The following ENKUR variants were observed in gnomAD, a reference collection of about 807,000 sequenced individuals.
ENKUR encodes the protein enkurin.
In ENKUR, 19 loss-of-function variants were observed where a neutral mutation model predicts 27.6. The observed-to-expected ratio is 0.69, with a 90% CI of 0.48 to 1.01. The LOEUF (loss-of-function observed/expected upper bound fraction) is 1.01. Ranked by LOEUF, ENKUR falls within the 50% of genes least tolerant of loss-of-function variation. ENKUR has a pLI of 0.00. For synonymous variants in ENKUR, 117 were observed against 96.9 expected, an observed-to-expected ratio of 1.21 and a Z score of -1.22; for missense variants, 312 against 310.5, an observed-to-expected ratio of 1.00 and a Z score of -0.04.
At chr10:25,010,488 C>T (rs1318167294) in intron 1 of ENKUR, among the ~76,000 whole-genome samples, 1 of 151,710 alleles carries the variant, frequency 6.6e-6, no homozygotes, top group African/African-American at 2.4e-5. Flanking sequence ...TACATGTGCA[C>T]AATGTGCAGG....
Position 24,995,800 on chromosome 10 carries a change from C to T in ENKUR, c.293G>A (p.Gly98Glu), listed in dbSNP as rs866866953. The change falls in exon 3 of 6, where the codon GGA becomes GAA. Residue 98 changes from glycine (G) to glutamate (E), a missense_variant. Coordinates refer to ENST00000331161, the MANE Select transcript of ENKUR (RefSeq NM_145010.4). ...TATAAAATTTTTTCCACTCTGTATTCCCATGACAGGATGATCAGTCTTCAA... is the reference window on the plus strand; with the variant it reads ...TATAAAATTTTTTCCACTCTGTATTTCCATGACAGGATGATCAGTCTTCAA... Reference protein sequence around the residue: ...VPLKTDHPVMGIQSGKNFINT... With the variant: ...VPLKTDHPVMEIQSGKNFINT... 1 of 1,614,018 alleles carries T rather than the reference C, an allele frequency of 6.2e-7. No homozygotes were observed. Among genetic ancestry groups the T allele is most frequent in the Non-Finnish European group, 8.5e-7 (1 of 1,180,000 alleles).
chr10:25,055,606 GT>G (rs1427266507), intron 2 of ENKUR, among the ~76,000 whole-genome samples: 1 of 149,464 alleles, frequency 6.7e-6, no homozygotes, highest in East Asian at 1.9e-4. Context: ...TTTGGTCTAC[GT>G]TGGAATGATA....
At chr10:25,060,530 A>G (rs1851314975) in intron 2 of ENKUR, among the ~76,000 whole-genome samples, 1 of 152,202 alleles carries the variant, frequency 6.6e-6, no homozygotes, top group Non-Finnish European at 1.5e-5. Flanking sequence ...TCTCCACATA[A>G]GCATAAATAC....
At chr10:25,015,766 A>G (rs762383877) in intron 1 of ENKUR, 94 bp downstream of exon 1, 143 of 1,155,396 alleles carry the variant, frequency 1.2e-4, no homozygotes, top group Non-Finnish European at 1.6e-4. Flanking sequence ...AATACATTTT[A>G]TTTATTATTA....
At chr10:25,021,466 A>G (rs1850717146) in intron 2 of ENKUR, among the ~76,000 whole-genome samples, 1 of 152,200 alleles carries the variant, frequency 6.6e-6, no homozygotes, top group South Asian at 2.1e-4. Context: ...TATCCTTCTG[A>G]AAAGTTTTAT....
chr10:24,991,411 A>G (rs1849925387), intron 3 of ENKUR, among the ~76,000 whole-genome samples: 2 of 152,052 alleles, frequency 1.3e-5, no homozygotes, highest in African/African-American at 2.4e-5. Context: ...AAACCCCCCG[A>G]GACCCTAGCA....
At chr10:25,048,368 G>A (rs943047712) in intron 2 of ENKUR, among the ~76,000 whole-genome samples, 5 of 152,062 alleles carry the variant, frequency 3.3e-5, no homozygotes, top group East Asian at 3.9e-4. Context: ...TCCGTGAAGC[G>A]TGGAGGCGAT....
chr10:25,014,702 G>C (rs186950785), intron 1 of ENKUR, among the ~76,000 whole-genome samples: 8 of 152,258 alleles, frequency 5.3e-5, no homozygotes, highest in Admixed American at 5.2e-4. Context: ...TGCAACAATA[G>C]AAAATTTGAA....
rs1850818527 is a variant in ENKUR, at chr10:25,024,997, A to G, written c.38-29128T>C. 2 of 1,614,224 alleles carry G rather than the reference A, an allele frequency of 1.2e-6. No homozygotes were observed. The highest frequency in any genetic ancestry group is 1.7e-6 in the Non-Finnish European group (2 of 1,180,040). On this transcript the variant is annotated intron_variant, in intron 2 of 5. Transcript: ENST00000615958. ...TGGACAGCTAATGACAGAATTATTT[A>G]ATCGATTAGAAAGTCAGCATCATTT...
intron 2 of ENKUR, among the ~76,000 whole-genome samples, chr10:25,054,938 G>A (rs1851236335): frequency 6.6e-6 from 1 of 152,114 alleles, no homozygotes; most frequent in Non-Finnish European, 1.5e-5. Flanking sequence ...GTTTCCCCAA[G>A]TGTTGAGATT....
chr10:25,060,704 C>T (rs557304042), intron 2 of ENKUR, among the ~76,000 whole-genome samples: 1 of 152,028 alleles, frequency 6.6e-6, no homozygotes, highest in Non-Finnish European at 1.5e-5. Context: ...TGATGTAAAA[C>T]CCACGTGTTT....
At chr10:25,024,725 C>T (rs755877671) in intron 2 of ENKUR, 1 of 1,614,102 alleles carries the variant, frequency 6.2e-7, no homozygotes, top group African/African-American at 1.3e-5. Context: ...TTTGGAAGCC[C>T]AGTCGATGTC....
intron 2 of ENKUR, chr10:25,025,553 A>G: frequency 2.6e-6 from 3 of 1,140,828 alleles, no homozygotes; most frequent in Non-Finnish European, 3.7e-6. Context: ...TTTTATGTAA[A>G]TATCTCTATA....
At chr10:25,033,401 C>T in intron 2 of ENKUR, among the ~76,000 whole-genome samples, 1 of 59,970 alleles carries the variant, frequency 1.7e-5, no homozygotes, top group Non-Finnish European at 2.9e-5. Flanking sequence ...AAGACCTCGT[C>T]AAAAAAAAAA....
At position 25,015,747 on chromosome 10, in the gene ENKUR, C is replaced by T. The variant is rs1390694700; in HGVS notation, c.77+113G>A. 7.0e-6 allele frequency: 7 copies of T among 1,000,738 alleles called. No individual in the cohort carries two copies. The South Asian group carries it at 9.0e-5, about 13-fold the overall frequency. The allele number at this position is 1,000,738 out of a possible 1,614,324, so 62.0% of individuals were successfully genotyped here. A position where few individuals can be genotyped will look rare whatever the true frequency, so the allele number is the denominator to read the frequency against. ...AAGTTATCCTCCAAGGCTACTTCATCGAGGCAAAAATACATTTTATTTATT... is the reference window on the plus strand; with the variant it reads ...AAGTTATCCTCCAAGGCTACTTCATTGAGGCAAAAATACATTTTATTTATT... On this transcript the variant is annotated intron_variant, in intron 1 of 5. Transcript: ENST00000331161.
Position 24,985,640 on chromosome 10 carries a change from T to C in ENKUR, c.595-735A>G, listed in dbSNP as rs185640185. Among the ~76,000 whole-genome samples the C allele has an allele frequency of 3.0e-3, 450 of 152,384 alleles. 2 individuals are homozygous for C. Among genetic ancestry groups the C allele is most frequent in the African/African-American group, 0.011 (442 of 41,594 alleles). On this transcript the variant is annotated intron_variant, in intron 4 of 5. Coordinates refer to ENST00000331161, the MANE Select transcript of ENKUR (RefSeq NM_145010.4). ...GATCTCTTAGGAGCAATAAAAGTTA[T>C]TTCTGTTTCTGCATAATTATCATTT...
rs542440521 is a variant in ENKUR, at chr10:24,990,387, A to C, written c.594+76T>G. The C allele has an allele frequency of 6.6e-6, 10 of 1,516,822 alleles. No homozygotes were observed. The South Asian group carries it at 1.3e-4, about 20-fold the overall frequency. 94.0% of individuals were successfully genotyped at this position (1,516,822 alleles called of 1,614,324 possible). ...CAAAATCCAAGTGCTGACTTTAATC[A>C]TCAAAGTGATGGTACACCTTTCTTT... On this transcript the variant is annotated intron_variant, in intron 4 of 5. Transcript: ENST00000331161.
chr10:25,022,366 TTA>T (rs1022356464), intron 2 of ENKUR, among the ~76,000 whole-genome samples: 2 of 152,140 alleles, frequency 1.3e-5, no homozygotes, highest in Non-Finnish European at 2.9e-5. Context: ...CCACTGATGA[TTA>T]TAGGGTTAGA....
intron 3 of ENKUR, among the ~76,000 whole-genome samples, chr10:24,993,777 G>A (rs1300143561): frequency 6.6e-6 from 1 of 152,162 alleles, no homozygotes; most frequent in African/African-American, 2.4e-5. Context: ...TTCCATGATG[G>A]ATACTCCAAA....
Sources: allele counts gnomAD v4.1 joint callset (sites outside exome capture counted in the v4.1 genomes callset), GRCh38; gene constraint gnomAD v4.1.1; transcripts MANE v1.5; gene names NCBI Gene and HGNC (gene_info 2026-07-23, HGNC 2026-07-21).